PHKB: variants seen among roughly 807,000 people sequenced by gnomAD.
PHKB encodes the protein phosphorylase kinase regulatory subunit beta.
A neutral mutation model predicts 152.1 loss-of-function variants in PHKB; 122 were observed. That is an observed-to-expected ratio of 0.80 (90% CI 0.69 to 0.93). PHKB has a LOEUF of 0.93. Among genes scored for constraint, PHKB ranks in the 40% least tolerant of loss-of-function variants. The probability of loss-of-function intolerance (pLI) is 0.00; values close to 1 mark genes in which losing one functional copy is unlikely to be tolerated. For synonymous variants in PHKB, 436 were observed against 464.9 expected (o/e 0.94, Z 0.80); for missense variants, 1,304 against 1,328.4 (o/e 0.98, Z 0.29).
intron 13 of PHKB, chr16:47,598,963 A>G: frequency 1.5e-6 from 2 of 1,371,486 alleles, no homozygotes; most frequent in Non-Finnish European, 2.1e-6. Context: ...GCACACAGCC[A>G]ATCCCACAAG....
chr16:47,569,208 G>A (rs1215794389), intron 7 of PHKB, among the ~76,000 whole-genome samples: 1 of 152,150 alleles, frequency 6.6e-6, no homozygotes, highest in Admixed American at 6.5e-5. Context: ...TCCAGTGTTA[G>A]CTGCATATGT....
chr16:47,483,035 T>TG (rs1969990722), intron 1 of PHKB, among the ~76,000 whole-genome samples: 2 of 52,580 alleles, frequency 3.8e-5, no homozygotes, highest in Admixed American at 2.9e-4. Flanking sequence ...AAATAATTTC[T>TG]TTTTTTTTTT....
chr16:47,610,876 C>G lies in PHKB; in HGVS notation c.1414C>G (p.Pro472Ala). The change falls in exon 14 of 31, where the codon CCA (proline) becomes GCA (alanine). Residue 472 changes from proline (P) to alanine (A), a missense_variant. Transcript: ENST00000323584. Reference protein sequence around the residue: ...KDIDPVQRYVPLKDQRNVSMR... With the variant: ...KDIDPVQRYVALKDQRNVSMR... Reference sequence around the variant, plus strand: ...CATTGATCCTGTCCAGCGCTATGTCCCACTAAAGGATCAACGTAACGTGAG... The same window carrying G: ...CATTGATCCTGTCCAGCGCTATGTCGCACTAAAGGATCAACGTAACGTGAG... The G allele has an allele frequency of 6.2e-7, 1 of 1,608,478 alleles. No individual in the cohort carries two copies. The highest frequency in any genetic ancestry group is 8.5e-7 in the Non-Finnish European group (1 of 1,174,900).
intron 7 of PHKB, among the ~76,000 whole-genome samples, chr16:47,559,403 G>A (rs867587894): frequency 1.3e-5 from 2 of 152,050 alleles, no homozygotes; most frequent in Admixed American, 6.5e-5. Flanking sequence ...AAACTTAGAG[G>A]CATAAAAACA....
chr16:47,680,781 C>G (rs188853096), intron 26 of PHKB, among the ~76,000 whole-genome samples: 13 of 152,258 alleles, frequency 8.5e-5, no homozygotes, highest in African/African-American at 3.1e-4. Flanking sequence ...CAGTTCTGCA[C>G]TGATTTTAGT....
At chr16:47,576,983 TC>T (rs1436050226) in intron 7 of PHKB, among the ~76,000 whole-genome samples, 7 of 152,106 alleles carry the variant, frequency 4.6e-5, no homozygotes, top group African/African-American at 1.7e-4. Context: ...TCTGCCATTT[TC>T]TTTTTTATTT....
chr16:47,553,318 A>T (rs1440677630), intron 7 of PHKB, among the ~76,000 whole-genome samples: 1 of 151,766 alleles, frequency 6.6e-6, no homozygotes, highest in East Asian at 1.9e-4. Context: ...CTTCCGCTTG[A>T]TCGATTCGGC....
At chr16:47,596,597 C>G in intron 13 of PHKB, 66 bp downstream of exon 13, 1 of 1,461,570 alleles carries the variant, frequency 6.8e-7, no homozygotes, top group Non-Finnish European at 9.6e-7. Context: ...ATAAATATGC[C>G]TTTGCTGGTG....
intron 7 of PHKB, among the ~76,000 whole-genome samples, chr16:47,564,470 T>A (rs1971531533): frequency 1.3e-5 from 2 of 152,292 alleles, no homozygotes; most frequent in South Asian, 4.1e-4. Flanking sequence ...GCCATTTGTG[T>A]ATCTTTTGAG....
rs1974241259 is a variant in PHKB at position 47,701,127 on chromosome 16, G to A, written c.*1761G>A. Reference sequence around the variant, plus strand: ...TAATGCCTGAAAAAAACGTAAGCATGAAGTCCATGGAGAGGGAATTGAGAG... The same window carrying A: ...TAATGCCTGAAAAAAACGTAAGCATAAAGTCCATGGAGAGGGAATTGAGAG... On this transcript the variant is annotated 3_prime_UTR_variant, in exon 31 of 31. Coordinates refer to ENST00000323584, the MANE Select transcript of PHKB (RefSeq NM_000293.3). 6.6e-6 allele frequency: 1 copy of A among 152,102 alleles called. No homozygotes were observed. 9.4% of individuals were successfully genotyped at this position (152,102 alleles called of 1,614,324 possible).
At chr16:47,615,460 C>A (rs1190596677) in intron 14 of PHKB, among the ~76,000 whole-genome samples, 1 of 152,244 alleles carries the variant, frequency 6.6e-6, no homozygotes, top group African/African-American at 2.4e-5. Context: ...GATTGGCCAA[C>A]TGGTACCTCA....
chr16:47,528,496 AT>A (rs1288896907), intron 6 of PHKB, among the ~76,000 whole-genome samples: 2 of 152,160 alleles, frequency 1.3e-5, no homozygotes, highest in Non-Finnish European at 2.9e-5. Context: ...GATTGGTATA[AT>A]TTTATAAAAG....
intron 14 of PHKB, among the ~76,000 whole-genome samples, chr16:47,640,148 G>A (rs1254431001): frequency 2.0e-5 from 3 of 152,092 alleles, no homozygotes; most frequent in Non-Finnish European, 4.4e-5. Context: ...GGTGTTTCTT[G>A]CCTTCCATCA....
At chr16:47,620,887 A>G (rs1972605791) in intron 14 of PHKB, among the ~76,000 whole-genome samples, 1 of 151,960 alleles carries the variant, frequency 6.6e-6, no homozygotes, top group Admixed American at 6.5e-5. Context: ...AAAATAAAAA[A>G]TATAAAAAAA....
intron 7 of PHKB, among the ~76,000 whole-genome samples, chr16:47,557,658 G>C (rs1285402983): frequency 2.0e-5 from 3 of 152,160 alleles, no homozygotes; most frequent in Admixed American, 2.0e-4. Flanking sequence ...GGCCATCAGA[G>C]AAATGCAAAT....
intron 13 of PHKB, among the ~76,000 whole-genome samples, chr16:47,602,294 G>C (rs1000540611): frequency 4.6e-5 from 7 of 152,120 alleles, no homozygotes; most frequent in Non-Finnish European, 8.8e-5. Context: ...CTTTTAAAGT[G>C]ATAAAATGGA....
chr16:47,497,658 A>G (rs1418930561), intron 2 of PHKB, among the ~76,000 whole-genome samples, 170 bp downstream of exon 2: 1 of 152,228 alleles, frequency 6.6e-6, no homozygotes, highest in Non-Finnish European at 1.5e-5. Flanking sequence ...TATCAGGACT[A>G]TAAAAGGAAT....
intron 7 of PHKB, among the ~76,000 whole-genome samples, chr16:47,548,929 A>G (rs1384649491): frequency 1.3e-5 from 2 of 152,212 alleles, no homozygotes; most frequent in Non-Finnish European, 2.9e-5. Context: ...GTGTACTTAC[A>G]CATTTAGGAA....
In PHKB at chr16:47,593,538, C is replaced by A; in HGVS notation, c.1107C>A (p.Phe369Leu). The stretch of plus-strand genomic sequence containing the variant: ...TTGAATGTGAATTTCCCATATTTTT[C>A]CTTTATATGATGATTGATGGTAAGT... ...DGIECEFPIF[F>L]LYMMIDGVFR... The change falls in exon 11 of 31, where the codon TTC becomes TTA. Residue 369 changes from phenylalanine (F) to leucine (L), a missense_variant. Phe to Leu is a conservative substitution (Grantham distance 22). Transcript: ENST00000323584. 1.3e-6 allele frequency: 2 copies of A among 1,499,856 alleles called. No individual in the cohort carries two copies. Among genetic ancestry groups the A allele is most frequent in the East Asian group, 2.3e-5 (1 of 44,238 alleles). The allele number at this position is 1,499,856 out of a possible 1,614,324, so 92.9% of individuals were successfully genotyped here.
Sources: gnomAD v4.1 joint callset for allele counts (sites outside exome capture counted in the v4.1 genomes callset) on GRCh38, gnomAD v4.1.1 for gene constraint, MANE v1.5 for transcripts, NCBI Gene and HGNC (gene_info 2026-07-23, HGNC 2026-07-21) for gene names.